The following LILRB3 variants were observed in gnomAD, a reference collection of about 807,000 sequenced individuals.
LILRB3 encodes leukocyte immunoglobulin like receptor B3.
LILRB3 carries 32 observed loss-of-function variants against 68.2 expected under a neutral mutation model. That is an observed-to-expected ratio of 0.47 (90% CI 0.35 to 0.63). LILRB3 has a LOEUF of 0.63. LILRB3 is among the 30% of genes least tolerant of loss of function. The pLI is 0.00. For synonymous variants in LILRB3, 185 were observed against 323.1 expected, an observed-to-expected ratio of 0.57 and a Z score of 4.58; for missense variants, 502 against 791.3, an observed-to-expected ratio of 0.63 and a Z score of 4.39.
chr19:54,222,960 G>A (rs1162378772), exon 1 of LILRB3: 4 of 1,612,538 alleles, frequency 2.5e-6, no homozygotes, highest in Non-Finnish European at 3.4e-6. Context: ...GAGCAGGGCT[G>A]TGAGGGCGGG....
At chr19:54,216,951 A>G in exon 13 of LILRB3, 1 of 1,500,026 alleles carries the variant, frequency 6.7e-7, no homozygotes, top group East Asian at 2.4e-5. Flanking sequence ...GGTGAGTCCC[A>G]CAAGTTCCCA....
chr19:54,218,171 G>A (rs575877405), intron 11 of LILRB3, among the ~76,000 whole-genome samples, 190 bp downstream of exon 11: 6 of 152,206 alleles, frequency 3.9e-5, no homozygotes, highest in South Asian at 2.1e-4. Flanking sequence ...AAGGGGACCC[G>A]GGAGGAGGCC....
chr19:54,219,918 T>C (rs1240570987), intron 7 of LILRB3: 4 of 1,539,968 alleles, frequency 2.6e-6, no homozygotes, highest in Non-Finnish European at 3.5e-6. Context: ...CCTCAGGACC[T>C]CCTGGGTCAG....
rs1312973943 is a variant in LILRB3, at chr19:54,218,423, C to T, written c.1541-10G>A. 9 of 1,613,928 alleles carry T rather than the reference C, an allele frequency of 5.6e-6. No individual in the cohort carries two copies. Among genetic ancestry groups the T allele is most frequent in the African/African-American group, 1.3e-5 (1 of 74,906 alleles). On this transcript the variant is annotated splice_polypyrimidine_tract_variant and intron_variant, in intron 10 of 12. Transcript: ENST00000445347. ...TCCTTCACAGCAGCATCTGCTGGGG[C>T]AGAGCAAGGGGTTCGTCTCCTGGTT...
chr19:54,218,552 C>T (rs910773607), intron 10 of LILRB3, 93 bp downstream of exon 10: 39 of 1,606,864 alleles, frequency 2.4e-5, no homozygotes, highest in Non-Finnish European at 3.1e-5. Context: ...TTCCACGGAG[C>T]CCCAGACCCT....
chr19:54,222,402 G>A (rs1411053612), exon 3 of LILRB3: 5 of 1,608,148 alleles, frequency 3.1e-6, no homozygotes, highest in Non-Finnish European at 3.4e-6. Context: ...CCTTGTTCTT[G>A]GGTTCCAGTG....
At position 54,220,662 on chromosome 19, in the gene LILRB3, T is replaced by A. The variant is rs140601439; in HGVS notation, c.1124A>T (p.His375Leu). 121 of 1,537,438 alleles carry A rather than the reference T, an allele frequency of 7.9e-5. 41 individuals carry two copies. In the East Asian group the frequency reaches 3.7e-3, roughly 48 times the overall value. ...CATGGGGAATTCAGCCTGGTACTTA[T>A]GAGCTCCGTACATTGATCTCAGACG... The change falls in exon 6 of 13, where the codon CAT (histidine) becomes CTT (leucine). Residue 375 changes from histidine (H) to leucine (L), a missense_variant. This residue lies in a region of LILRB3 where 77 missense variants were observed against 152.8 expected (regional missense o/e 0.50). Transcript: ENST00000445347.
chr19:54,217,218 G>C (rs1358022493), exon 13 of LILRB3: 1 of 1,613,022 alleles, frequency 6.2e-7, no homozygotes. Flanking sequence ...GTCACATCCT[G>C]GGAGGCTTCA....
At chr19:54,217,129 A>C (rs2077534604) in exon 13 of LILRB3, 1 of 1,614,048 alleles carries the variant, frequency 6.2e-7, no homozygotes, top group Non-Finnish European at 8.5e-7. Context: ...TGCTGGGCTC[A>C]GCTGGAGGTT....
chr19:54,218,995 G>A lies in LILRB3; in HGVS notation c.1426+134C>T, dbSNP rs1039530407. On this transcript the variant is annotated intron_variant, in intron 8 of 12. Coordinates refer to ENST00000445347, the Ensembl canonical transcript of LILRB3. The stretch of plus-strand genomic sequence containing the variant: ...AAAACTCCCATGAATACTGAAGTTT[G>A]TAAATGCGTATTGAAATTACGTGCC... 22 of 1,519,606 alleles carry A rather than the reference G, an allele frequency of 1.4e-5. 1 individual carries two copies. The highest frequency in any genetic ancestry group is 1.4e-4 in the East Asian group (6 of 44,066). The allele number at this position is 1,519,606 out of a possible 1,614,324, so 94.1% of individuals were successfully genotyped here.
At chr19:54,222,053 C>T (rs1219554143) in exon 4 of LILRB3, 17 of 1,611,216 alleles carry the variant, frequency 1.1e-5, no homozygotes, top group African/African-American at 1.4e-5. Flanking sequence ...TTCTGTGAGC[C>T]ACATCGGAGG....
chr19:54,218,277 CG>C, intron 11 of LILRB3, 83 bp downstream of exon 11: 1 of 1,564,450 alleles, frequency 6.4e-7, no homozygotes, highest in Non-Finnish European at 8.8e-7. Context: ...TGCTGAGAGC[CG>C]GGGGAAGGAG....
chr19:54,217,637 T>C, intron 11 of LILRB3, 163 bp from the exon 12 acceptor site: 1 of 1,064,540 alleles, frequency 9.4e-7, no homozygotes, highest in Non-Finnish European at 1.3e-6. Flanking sequence ...CTCCCTGTGG[T>C]TCTGGCCTCT....
intron 7 of LILRB3, chr19:54,219,570 C>A: frequency 6.5e-7 from 1 of 1,548,552 alleles, no homozygotes; most frequent in South Asian, 1.2e-5. Context: ...GGCCCTGCTC[C>A]CCTCCCCTGC....
chr19:54,217,587 C>A, intron 11 of LILRB3, 113 bp from the exon 12 acceptor site: 1 of 1,371,522 alleles, frequency 7.3e-7, no homozygotes, highest in Non-Finnish European at 9.9e-7. Flanking sequence ...CTGATGGAAT[C>A]TCAGGGACGC....
At chr19:54,217,205 T>G (rs535708010) in exon 13 of LILRB3, 2 of 1,609,686 alleles carry the variant, frequency 1.2e-6, no homozygotes, top group East Asian at 4.5e-5. Flanking sequence ...CAGCTGGGCG[T>G]AGGTCACATC....
chr19:54,222,975 A>C (rs1467085142), exon 1 of LILRB3: 1 of 1,612,396 alleles, frequency 6.2e-7, no homozygotes. Flanking sequence ...GGCGGGCGTC[A>C]TGGCGTCTCC....
At chr19:54,218,523 A>C (rs2040752746) in intron 10 of LILRB3, 110 bp from the exon 11 acceptor site, 3 of 1,602,250 alleles carry the variant, frequency 1.9e-6, no homozygotes, top group Non-Finnish European at 2.6e-6. Context: ...GAGGTCCCAC[A>C]GTGTGGGGCA....
intron 7 of LILRB3, chr19:54,219,790 A>T: frequency 1.3e-6 from 2 of 1,509,994 alleles, no homozygotes; most frequent in Non-Finnish European, 1.8e-6. Context: ...CCACCTCCAG[A>T]GGAGCCTGAA....
Sources: gnomAD v4.1 joint callset for allele counts (sites outside exome capture counted in the v4.1 genomes callset) on GRCh38, gnomAD v4.1.1 for gene constraint, gnomAD v4.1.1 regional missense constraint, MANE v1.5 for transcripts, NCBI Gene and HGNC (gene_info 2026-07-23, HGNC 2026-07-21) for gene names.